The following KIAA1217 variants were observed in gnomAD, a reference collection of about 807,000 sequenced individuals.
The protein encoded by KIAA1217 is sickle tail protein homolog.
Under a neutral mutation model 163.9 loss-of-function variants are expected in KIAA1217, and 88 were observed. That is an observed-to-expected ratio of 0.54 (90% CI 0.45 to 0.64). The LOEUF is 0.64. KIAA1217 is among the 30% of genes least tolerant of loss of function. The probability of loss-of-function intolerance (pLI) is 0.00; values close to 1 mark genes in which losing one functional copy is unlikely to be tolerated. For missense variants in KIAA1217, 2,372 were observed against 2,475.0 expected, an observed-to-expected ratio of 0.96 and a Z score of 0.88; for synonymous variants, 903 against 923.1, an observed-to-expected ratio of 0.98 and a Z score of 0.39.
chr10:23,866,896 T>C (rs1479198976), intron 1 of KIAA1217, among the ~76,000 whole-genome samples: 1 of 151,896 alleles, frequency 6.6e-6, no homozygotes, highest in Non-Finnish European at 1.5e-5. Context: ...ATGTGCACAA[T>C]GTGCAGGTTA....
At chr10:23,861,891 A>C (rs1236982985) in intron 1 of KIAA1217, among the ~76,000 whole-genome samples, 1 of 152,224 alleles carries the variant, frequency 6.6e-6, no homozygotes, top group Non-Finnish European at 1.5e-5. Flanking sequence ...TTGAGCCACC[A>C]GGACTTCTGA....
chr10:23,796,768 AC>A (rs1016876138), intron 1 of KIAA1217, among the ~76,000 whole-genome samples: 2 of 152,082 alleles, frequency 1.3e-5, no homozygotes, highest in Non-Finnish European at 2.9e-5. Context: ...ACCCACTAGG[AC>A]CTTACACAGG....
rs1839401501 is a variant in KIAA1217, at chr10:23,746,124, T to A, written c.-321+50890T>A. Reference sequence around the variant, plus strand: ...GAGATGTTCGGGTCATGGGGGCAGATCCCTCATGAATGGCTTGGTGCCATC... The same window carrying A: ...GAGATGTTCGGGTCATGGGGGCAGAACCCTCATGAATGGCTTGGTGCCATC... On this transcript the variant is annotated intron_variant, in intron 1 of 18. Transcript: ENST00000376462. Among the ~76,000 whole-genome samples the A allele has an allele frequency of 2.6e-5, 4 of 152,308 alleles. No individual in the cohort carries two copies. In the South Asian group the frequency reaches 8.3e-4, roughly 32 times the overall value.
chr10:24,148,573 A>G (rs1279246262), intron 2 of KIAA1217, among the ~76,000 whole-genome samples: 1 of 152,076 alleles, frequency 6.6e-6, no homozygotes, highest in Non-Finnish European at 1.5e-5. Flanking sequence ...TTGGTTGTTT[A>G]AGGGAGCTTG....
intron 1 of KIAA1217, among the ~76,000 whole-genome samples, chr10:23,697,751 C>T (rs545761294): frequency 2.6e-5 from 4 of 151,756 alleles, no homozygotes; most frequent in African/African-American, 4.8e-5. Flanking sequence ...GTGATGTGCA[C>T]CTGTGATCCC....
chr10:24,200,792 G>A (rs1279103567), intron 2 of KIAA1217, among the ~76,000 whole-genome samples: 6 of 152,152 alleles, frequency 3.9e-5, no homozygotes, highest in African/African-American at 1.4e-4. Flanking sequence ...TGGGGGTGAT[G>A]AAAGGAAGCA....
At chr10:24,138,718 C>T (rs1295350043) in intron 2 of KIAA1217, among the ~76,000 whole-genome samples, 1 of 151,204 alleles carries the variant, frequency 6.6e-6, no homozygotes, top group Non-Finnish European at 1.5e-5. Context: ...AATTTTTTGA[C>T]ATACAGTCTC....
chr10:24,293,964 C>T (rs1206285740), intron 2 of KIAA1217, among the ~76,000 whole-genome samples: 1 of 152,078 alleles, frequency 6.6e-6, no homozygotes, highest in African/African-American at 2.4e-5. Context: ...GAGGCCAAGG[C>T]GGGCGGATCA....
intron 2 of KIAA1217, among the ~76,000 whole-genome samples, chr10:24,366,841 A>G (rs2050854589): frequency 6.6e-6 from 1 of 152,248 alleles, no homozygotes; most frequent in Non-Finnish European, 1.5e-5. Flanking sequence ...TGGTGGATTA[A>G]TATGACACAT....
intron 1 of KIAA1217, among the ~76,000 whole-genome samples, chr10:23,732,103 G>C (rs1274681621): frequency 2.0e-5 from 3 of 151,964 alleles, no homozygotes; most frequent in Admixed American, 2.0e-4. Flanking sequence ...TGGTCTCATA[G>C]AATGAGTTAG....
chr10:24,370,892 T>C (rs1029506101), intron 2 of KIAA1217, among the ~76,000 whole-genome samples: 2 of 152,192 alleles, frequency 1.3e-5, no homozygotes, highest in African/African-American at 4.8e-5. Context: ...CTTTTAATTT[T>C]GTATCGGCAA....
At chr10:24,175,209 G>A (rs868457536) in intron 2 of KIAA1217, among the ~76,000 whole-genome samples, 14 of 152,162 alleles carry the variant, frequency 9.2e-5, no homozygotes, top group Middle Eastern at 3.4e-3. Flanking sequence ...CTTTTCCCGA[G>A]TCTTCAAAGT....
At chr10:24,189,667 G>C (rs573476338) in intron 2 of KIAA1217, among the ~76,000 whole-genome samples, 32 of 152,252 alleles carry the variant, frequency 2.1e-4, no homozygotes, top group African/African-American at 7.2e-4. Flanking sequence ...AAAGACCTAG[G>C]GAAGACTGCG....
Position 23,934,621 on chromosome 10 carries a change from A to ATTTTTTTTT in KIAA1217, c.-320-72603_-320-72602insTTTTTTTTT, listed in dbSNP as rs1417805516. Among the ~76,000 whole-genome samples, 388 of 61,562 alleles carry ATTTTTTTTT rather than the reference A, an allele frequency of 6.3e-3. 11 individuals are homozygous for ATTTTTTTTT. Among genetic ancestry groups the ATTTTTTTTT allele is most frequent in the Non-Finnish European group, 7.6e-3 (279 of 36,516 alleles). The allele number at this position is 61,562 out of a possible 152,430, so 40.4% of individuals were successfully genotyped here. A position where few individuals can be genotyped will look rare whatever the true frequency, so the allele number is the denominator to read the frequency against. On this transcript the variant is annotated intron_variant, in intron 1 of 18. Transcript: ENST00000376462. ...TATATATATATGTATATATATATAT[A>ATTTTTTTTT]TATATTTTTTTTTTGAGACGGAGTC... is the stretch of plus-strand genomic sequence containing the variant.
intron 1 of KIAA1217, among the ~76,000 whole-genome samples, chr10:23,983,910 T>C (rs1450875154): frequency 6.6e-6 from 1 of 152,192 alleles, no homozygotes; most frequent in Non-Finnish European, 1.5e-5. Flanking sequence ...GTTAACTGCT[T>C]ATGCCCAATG....
chr10:24,490,370 G>A (rs967319681), intron 6 of KIAA1217, among the ~76,000 whole-genome samples: 1 of 152,140 alleles, frequency 6.6e-6, no homozygotes, highest in Non-Finnish European at 1.5e-5. Flanking sequence ...TAAAATGACA[G>A]GGTTGTGTTC....
intron 1 of KIAA1217, among the ~76,000 whole-genome samples, chr10:23,725,387 G>T (rs543395769): frequency 6.6e-6 from 1 of 152,338 alleles, no homozygotes; most frequent in East Asian, 1.9e-4. Context: ...AGACTGGCAT[G>T]ATTTGATGTT....
intron 2 of KIAA1217, among the ~76,000 whole-genome samples, chr10:24,330,383 C>T (rs912767636): frequency 4.0e-5 from 6 of 151,310 alleles, no homozygotes; most frequent in Non-Finnish European, 7.4e-5. Flanking sequence ...TGTTTGTTTG[C>T]CATTTAAGAG....
intron 1 of KIAA1217, among the ~76,000 whole-genome samples, chr10:23,748,461 C>G (rs867660093): frequency 2.0e-3 from 267 of 133,614 alleles, no homozygotes; most frequent in African/African-American, 6.8e-3. Flanking sequence ...AGGAAGGAAG[C>G]AAGGAAGGAA....
Sources: allele counts gnomAD v4.1 joint callset (sites outside exome capture counted in the v4.1 genomes callset), GRCh38; gene constraint gnomAD v4.1.1; transcripts MANE v1.5; gene names NCBI Gene and HGNC (gene_info 2026-07-23, HGNC 2026-07-21).